The following BPIFA3 variants were observed in gnomAD, a reference collection of about 807,000 sequenced individuals.
BPIFA3 encodes the protein BPI fold-containing family A member 3.
BPIFA3 carries 32 observed loss-of-function variants against 29.7 expected under a neutral mutation model. That is an observed-to-expected ratio of 1.08 (90% confidence interval 0.81 to 1.45). The LOEUF (loss-of-function observed/expected upper bound fraction) is 1.45, where lower values mean the gene tolerates loss of function less well. BPIFA3 is among the 40% of genes most tolerant of loss of function. The pLI, the probability that BPIFA3 is intolerant of heterozygous loss-of-function variation, is 0.00. For synonymous variants in BPIFA3, 112 were observed against 113.7 expected, an observed-to-expected ratio of 0.98 and a Z score of 0.10; for missense variants, 323 against 311.3, an observed-to-expected ratio of 1.04 and a Z score of -0.28.
rs140260758 is a variant in BPIFA3, at chr20:33,217,560, C to T, written c.24C>T (p.Leu8=). The stretch of plus-strand genomic sequence containing the variant: ...CTATGATGTGTCCACTCTGGAGGCT[C>T]CTCATCTTCCTCGGGTTGCTGGCCT... MMCPLWR[L]LIFLGLLALP... is the part of the protein sequence containing the mutation. The change falls in exon 1 of 7, where the codon CTC becomes CTT. Residue 8 remains leucine (L), a synonymous_variant. Transcript: ENST00000375454. 257 of 1,614,184 alleles carry T rather than the reference C, an allele frequency of 1.6e-4. 2 individuals carry two copies. In the African/African-American group the frequency reaches 3.0e-3, roughly 19 times the overall value.
rs1985318149 is a variant in BPIFA3 at position 33,217,578 on chromosome 20, G to T, written c.42G>T (p.Leu14Phe). The T allele has an allele frequency of 6.2e-7, 1 of 1,614,052 alleles. No homozygotes were observed. Among genetic ancestry groups the T allele is most frequent in the African/African-American group, 1.3e-5 (1 of 74,926 alleles). Residue 14 changes from leucine to phenylalanine, a missense_variant, in exon 1 of 7, where the codon TTG (leucine) becomes TTT (phenylalanine). Physicochemically the swap from Leu to Phe is conservative, Grantham distance 22. Coordinates refer to ENST00000375454, the MANE Select transcript of BPIFA3 (RefSeq NM_178466.5). ...PLWRLLIFLGLLALPLAPHKQ... is the reference protein window; with the variant it reads ...PLWRLLIFLGFLALPLAPHKQ... ...GGAGGCTCCTCATCTTCCTCGGGTT[G>T]CTGGCCTTGCCCTTGGCACCACACA...
At chr20:33,226,839 A>C in intron 5 of BPIFA3, 91 bp from the exon 6 acceptor site, 15 of 1,527,752 alleles carry the variant, frequency 9.8e-6, no homozygotes, top group Non-Finnish European at 1.3e-5. Context: ...ACTGGAAAAA[A>C]TCCCATGGAG....
Position 33,226,911 on chromosome 20 carries a change from C to G in BPIFA3, c.622-19C>G. ...TTCCAGCCCCTGGCCTGATCCTTCTCTCTGTGCTGATGGTCCAGGTATGTC... is the reference window on the plus strand; with the variant it reads ...TTCCAGCCCCTGGCCTGATCCTTCTGTCTGTGCTGATGGTCCAGGTATGTC... On this transcript the variant is annotated intron_variant, in intron 5 of 6. Coordinates refer to ENST00000375454, the MANE Select transcript of BPIFA3 (RefSeq NM_178466.5). The G allele has an allele frequency of 3.7e-6, 6 of 1,614,174 alleles. No homozygotes were observed. Among genetic ancestry groups the G allele is most frequent in the East Asian group, 4.5e-5 (2 of 44,888 alleles).
intron 1 of BPIFA3, among the ~76,000 whole-genome samples, chr20:33,222,605 T>C (rs1451436510): frequency 7.8e-6 from 1 of 127,924 alleles, no homozygotes; most frequent in Non-Finnish European, 1.5e-5. Flanking sequence ...GATGGATGGA[T>C]GAGTGGATGG....
chr20:33,220,995 G>A (rs927034254), intron 1 of BPIFA3, among the ~76,000 whole-genome samples: 5 of 152,126 alleles, frequency 3.3e-5, no homozygotes, highest in African/African-American at 1.2e-4. Context: ...TTACTCATAA[G>A]TCAGTATTGA....
intron 1 of BPIFA3, among the ~76,000 whole-genome samples, chr20:33,220,242 C>A (rs1160942199): frequency 6.6e-6 from 1 of 150,948 alleles, no homozygotes; most frequent in Non-Finnish European, 1.5e-5. Flanking sequence ...ACTAAAAATA[C>A]AAGAAATTAG....
chr20:33,225,323 C>T (rs546556931), intron 4 of BPIFA3, 76 bp downstream of exon 4: 240 of 1,595,268 alleles, frequency 1.5e-4, no homozygotes, highest in Admixed American at 5.4e-4. Flanking sequence ...ACTTCCTGAC[C>T]GTCTCCTAAA....
At chr20:33,219,892 T>G (rs1401059581) in intron 1 of BPIFA3, among the ~76,000 whole-genome samples, 1 of 151,850 alleles carries the variant, frequency 6.6e-6, no homozygotes, top group Non-Finnish European at 1.5e-5. Flanking sequence ...GCCTAGGAAT[T>G]CAAGACCAGC....
intron 3 of BPIFA3, 63 bp from the exon 4 acceptor site, chr20:33,225,035 A>G (rs1985709472): frequency 6.6e-7 from 1 of 1,515,484 alleles, no homozygotes; most frequent in African/African-American, 1.4e-5. Flanking sequence ...GCCAATACGG[A>G]GATTTCTACT....
At chr20:33,226,829 A>G in intron 5 of BPIFA3, 101 bp from the exon 6 acceptor site, 1 of 1,455,088 alleles carries the variant, frequency 6.9e-7, no homozygotes, top group Non-Finnish European at 9.6e-7. Context: ...CACGATTCCT[A>G]CTGGAAAAAA....
rs1380371908 is a variant in BPIFA3, at chr20:33,224,387, G to A, written c.311G>A (p.Gly104Asp). 2 of 1,614,190 alleles carry A rather than the reference G, an allele frequency of 1.2e-6. No homozygotes were observed. The highest frequency in any genetic ancestry group is 1.7e-6 in the Non-Finnish European group (2 of 1,180,016). Reference protein sequence around the residue: ...INITNIQLDCGGIQISFHKEW... With the variant: ...INITNIQLDCDGIQISFHKEW... ...ATCACCAACATTCAGCTGGACTGTG[G>A]TGGGATCCAGATATCATTCCATAAG... Residue 104 changes from glycine (G) to aspartate (D), a missense_variant, in exon 3 of 7, where the codon GGT (glycine) becomes GAT (aspartate). Transcript: ENST00000375454.
chr20:33,222,295 T>TTGGCGCTATAGGCTGTC (rs1985548421), intron 1 of BPIFA3, among the ~76,000 whole-genome samples: 1 of 152,222 alleles, frequency 6.6e-6, no homozygotes, highest in African/African-American at 2.4e-5. Flanking sequence ...CCCATGGCCA[T>TTGGCGCTATAGGCTGTC]TGGCGCTATA....
At chr20:33,227,402 A>G (rs1215558985) in intron 6 of BPIFA3, 136 bp from the exon 7 acceptor site, 2 of 705,160 alleles carry the variant, frequency 2.8e-6, no homozygotes, top group African/African-American at 1.8e-5. Flanking sequence ...ACAATTCAGC[A>G]TCATTTGGGG....
chr20:33,226,169 A>C (rs1029788790), intron 4 of BPIFA3: 8 of 454,870 alleles, frequency 1.8e-5, no homozygotes, highest in Non-Finnish European at 2.7e-5. Flanking sequence ...GGTGTAAGGG[A>C]AAGACTCTGG....
intron 1 of BPIFA3, among the ~76,000 whole-genome samples, chr20:33,219,928 T>A (rs1160340681): frequency 4.0e-5 from 6 of 151,790 alleles, no homozygotes; most frequent in Non-Finnish European, 8.8e-5. Context: ...AGATCCTGTC[T>A]CTACAAAAAT....
intron 1 of BPIFA3, among the ~76,000 whole-genome samples, chr20:33,222,558 GGAT>G (rs1985563902): frequency 2.5e-5 from 2 of 80,704 alleles, no homozygotes; most frequent in African/African-American, 5.1e-5. Flanking sequence ...ATGGACAGAT[GGAT>G]GGATGGATGG....
intron 6 of BPIFA3, 108 bp downstream of exon 6, chr20:33,227,101 T>C (rs957364278): frequency 2.2e-6 from 2 of 924,014 alleles, no homozygotes; most frequent in African/African-American, 1.6e-5. Context: ...GGCGTCTGCA[T>C]GTGCCGTGAG....
chr20:33,225,578 C>T lies in BPIFA3; in HGVS notation c.536+331C>T, dbSNP rs144544316. The T allele has an allele frequency of 1.6e-3, 439 of 281,024 alleles. 7 individuals carry two copies. The East Asian group carries it at 0.029, about 19-fold the overall frequency. 17.4% of individuals were successfully genotyped at this position (281,024 alleles called of 1,614,324 possible). A position where few individuals can be genotyped will look rare whatever the true frequency, so the allele number is the denominator to read the frequency against. On this transcript the variant is annotated intron_variant, in intron 4 of 6. Coordinates refer to ENST00000375454, the MANE Select transcript of BPIFA3 (RefSeq NM_178466.5). Reference sequence around the variant, plus strand: ...ACCTGGCTTTCCCTGGCCCGGATCTCCCCTCCTACACTCCATTCCTCATCC... The same window carrying T: ...ACCTGGCTTTCCCTGGCCCGGATCTTCCCTCCTACACTCCATTCCTCATCC...
At chr20:33,225,055 C>T in intron 3 of BPIFA3, 43 bp from the exon 4 acceptor site, 1 of 1,577,954 alleles carries the variant, frequency 6.3e-7, no homozygotes. Flanking sequence ...TCTTTCTCTA[C>T]CTCCTCCCCT....
Sources: gnomAD v4.1 joint callset for allele counts (sites outside exome capture counted in the v4.1 genomes callset) on GRCh38, gnomAD v4.1.1 for gene constraint, MANE v1.5 for transcripts, NCBI Gene and HGNC (gene_info 2026-07-23, HGNC 2026-07-21) for gene names.